S100B: variants seen among roughly 807,000 people sequenced by gnomAD.
S100B encodes S100 calcium binding protein B, also known as protein S100-B.
In S100B, 6 loss-of-function variants were observed where a neutral mutation model predicts 7.7. The ratio of observed to expected loss-of-function variants is 0.78; its 90% confidence interval spans 0.43 to 1.54. The LOEUF (loss-of-function observed/expected upper bound fraction) is 1.54. Among genes scored for constraint, S100B ranks in the 40% most tolerant of loss-of-function variants. The probability of loss-of-function intolerance (pLI) is 0.01; values close to 1 mark genes in which losing one functional copy is unlikely to be tolerated. For synonymous variants in S100B, 36 were observed against 40.4 expected (o/e 0.89, Z 0.41); for missense variants, 99 against 111.8 (o/e 0.89, Z 0.52).
chr21:46,600,855 G>A (rs532726448), intron 2 of S100B, among the ~76,000 whole-genome samples: 2 of 152,246 alleles, frequency 1.3e-5, no homozygotes, highest in South Asian at 2.1e-4. Context: ...GCACTGTCCC[G>A]CTTCACCCTC....
intron 1 of S100B, among the ~76,000 whole-genome samples, chr21:46,603,148 A>G (rs908612200): frequency 1.3e-5 from 2 of 152,062 alleles, no homozygotes. Context: ...TGACAAAAAC[A>G]GCTGTAAAAT....
Position 46,599,198 on chromosome 21 carries a change from C to A in S100B, c.*165G>T. 1.5e-6 allele frequency: 1 copy of A among 665,828 alleles called. No individual in the cohort carries two copies. The highest frequency in any genetic ancestry group is 2.6e-6 in the Non-Finnish European group (1 of 387,208). 41.2% of individuals were successfully genotyped at this position (665,828 alleles called of 1,614,324 possible). A position where few individuals can be genotyped will look rare whatever the true frequency, so the allele number is the denominator to read the frequency against. Reference sequence around the variant, plus strand: ...AGAATGATGCAGGCCGTTAAAACAGCCTTTGGAAAGAGGTTTTCAATTTTT... The same window carrying A: ...AGAATGATGCAGGCCGTTAAAACAGACTTTGGAAAGAGGTTTTCAATTTTT... On this transcript the variant is annotated 3_prime_UTR_variant, in exon 3 of 3. Coordinates refer to ENST00000291700, the MANE Select transcript of S100B (RefSeq NM_006272.3).
At chr21:46,603,132 G>A (rs2061046332) in intron 1 of S100B, among the ~76,000 whole-genome samples, 1 of 151,612 alleles carries the variant, frequency 6.6e-6, no homozygotes, top group Non-Finnish European at 1.5e-5. Flanking sequence ...TTTTGGATGG[G>A]TGACATGACA....
intron 2 of S100B, among the ~76,000 whole-genome samples, chr21:46,600,641 CTTCAA>C (rs1367346986): frequency 6.6e-6 from 1 of 152,140 alleles, no homozygotes; most frequent in African/African-American, 2.4e-5. Flanking sequence ...AGGGCACTAA[CTTCAA>C]TTATATTATA....
chr21:46,603,313 A>G (rs1406766824), intron 1 of S100B, among the ~76,000 whole-genome samples: 1 of 142,194 alleles, frequency 7.0e-6, no homozygotes, highest in East Asian at 2.1e-4. Flanking sequence ...TCCAGCAGAA[A>G]GCTGAGCTGC....
rs1049433907 is a variant in S100B at position 46,599,159 on chromosome 21, C to T, written c.*204G>A. 1 of 592,284 alleles carries T rather than the reference C, an allele frequency of 1.7e-6. No individual in the cohort carries two copies. Among genetic ancestry groups the T allele is most frequent in the Non-Finnish European group, 3.0e-6 (1 of 336,710 alleles). 36.7% of individuals were successfully genotyped at this position (592,284 alleles called of 1,614,324 possible). A position where few individuals can be genotyped will look rare whatever the true frequency, so the allele number is the denominator to read the frequency against. ...GGGGCCAGTCAGCTTACACACAGGCCTAATATAGCAGAAAGAATGATGCAG... is the reference window on the plus strand; with the variant it reads ...GGGGCCAGTCAGCTTACACACAGGCTTAATATAGCAGAAAGAATGATGCAG... On this transcript the variant is annotated 3_prime_UTR_variant, in exon 3 of 3. Coordinates refer to ENST00000291700, the MANE Select transcript of S100B (RefSeq NM_006272.3).
At position 46,599,294 on chromosome 21, in the gene S100B, C is replaced by A. The variant is rs982228887; in HGVS notation, c.*69G>T. On this transcript the variant is annotated 3_prime_UTR_variant, in exon 3 of 3. Coordinates refer to ENST00000291700, the MANE Select transcript of S100B (RefSeq NM_006272.3). ...GGAAAGCTCAGCTCCTACTAGGCTG[C>A]AAGCCCTTGCTGTCTGCTTTCTTGC... The A allele has an allele frequency of 6.9e-7, 1 of 1,442,702 alleles. No individual in the cohort carries two copies. The highest frequency in any genetic ancestry group is 1.4e-5 in the African/African-American group (1 of 69,882). The allele number at this position is 1,442,702 out of a possible 1,614,324, so 89.4% of individuals were successfully genotyped here.
intron 1 of S100B, among the ~76,000 whole-genome samples, chr21:46,604,276 T>C (rs2839361): frequency 0.1 from 15,424 of 152,288 alleles, 851 homozygotes; most frequent in Middle Eastern, 0.13. Context: ...AATGTCCGTT[T>C]CTTTCTCACA....
chr21:46,601,326 A>C (rs985451461), intron 2 of S100B, among the ~76,000 whole-genome samples: 2 of 152,142 alleles, frequency 1.3e-5, no homozygotes, highest in African/African-American at 4.8e-5. Context: ...GTGATTGCTC[A>C]TATCAGTGAC....
At chr21:46,600,779 T>C (rs1300082645) in intron 2 of S100B, among the ~76,000 whole-genome samples, 1 of 152,332 alleles carries the variant, frequency 6.6e-6, no homozygotes, top group South Asian at 2.1e-4. Context: ...CAAAGCTTTT[T>C]CTATGTATAA....
intron 2 of S100B, among the ~76,000 whole-genome samples, chr21:46,601,189 G>C (rs886065690): frequency 4.6e-5 from 7 of 152,208 alleles, no homozygotes; most frequent in Non-Finnish European, 1.0e-4. Context: ...GCACTGAGAG[G>C]CTTGGCCAGC....
In S100B at chr21:46,603,392, A is replaced by AGGGGGGGGCGGGGGGGGTGGGGG. The variant is rs1555923741; in HGVS notation, c.-1-977_-1-976insCCCCCACCCCCCCCGCCCCCCCC. ...TCACTGCAGTGACTGGGACGGCGGG[A>AGGGGGGGGCGGGGGGGGTGGGGG]GGGGGTGGGGGCAGGAATAGGTGTT... On this transcript the variant is annotated intron_variant, in intron 1 of 2. Coordinates refer to ENST00000291700, the MANE Select transcript of S100B (RefSeq NM_006272.3). Among the ~76,000 whole-genome samples, 3 of 38,208 alleles carry AGGGGGGGGCGGGGGGGGTGGGGG rather than the reference A, an allele frequency of 7.9e-5. No homozygotes were observed. In the Admixed American group the frequency reaches 1.0e-3, roughly 13 times the overall value. The allele number at this position is 38,208 out of a possible 152,430, so 25.1% of individuals were successfully genotyped here.
At chr21:46,602,666 T>A in intron 1 of S100B, 1 of 367,534 alleles carries the variant, frequency 2.7e-6, no homozygotes, top group Non-Finnish European at 4.9e-6. Flanking sequence ...GGGGATATAT[T>A]CCCATGCCCT....
intron 2 of S100B, among the ~76,000 whole-genome samples, chr21:46,601,569 A>G (rs1319354587): frequency 1.3e-5 from 2 of 152,116 alleles, no homozygotes; most frequent in Non-Finnish European, 2.9e-5. Flanking sequence ...ACATACTTCC[A>G]CCACAAGCCA....
intron 2 of S100B, among the ~76,000 whole-genome samples, chr21:46,600,047 T>G (rs2061037200): frequency 6.6e-6 from 1 of 152,230 alleles, no homozygotes. Context: ...TGCCTGACAT[T>G]GAAGCCAAAT....
intron 1 of S100B, 91 bp from the exon 2 acceptor site, chr21:46,602,507 G>A: frequency 1.6e-5 from 21 of 1,343,512 alleles, no homozygotes; most frequent in Non-Finnish European, 2.0e-5. Context: ...ACCCAGACAA[G>A]GGGGATGGAA....
intron 1 of S100B, 115 bp from the exon 2 acceptor site, chr21:46,602,531 CTT>C: frequency 9.2e-7 from 1 of 1,081,264 alleles, no homozygotes; most frequent in Non-Finnish European, 1.3e-6. Flanking sequence ...CCTTGGCACT[CTT>C]TTCAAGCTCA....
chr21:46,604,419 T>A (rs1330617947), intron 1 of S100B, among the ~76,000 whole-genome samples: 3 of 152,126 alleles, frequency 2.0e-5, no homozygotes, highest in African/African-American at 2.4e-5. Flanking sequence ...CCTGAGAAAC[T>A]GTGAGACTGA....
At position 46,599,310 on chromosome 21, in the gene S100B, G is replaced by A; in HGVS notation, c.*53C>T. ...ACTAGGCTGCAAGCCCTTGCTGTCT[G>A]CTTTCTTGCATGACCGTCTCTGTTA... On this transcript the variant is annotated 3_prime_UTR_variant, in exon 3 of 3. Coordinates refer to ENST00000291700, the MANE Select transcript of S100B (RefSeq NM_006272.3). The A allele has an allele frequency of 1.9e-6, 3 of 1,562,992 alleles. No homozygotes were observed. Among genetic ancestry groups the A allele is most frequent in the Non-Finnish European group, 2.6e-6 (3 of 1,140,506 alleles).
Sources: allele counts gnomAD v4.1 joint callset (sites outside exome capture counted in the v4.1 genomes callset), GRCh38; gene constraint gnomAD v4.1.1; transcripts MANE v1.5; gene names NCBI Gene and HGNC (gene_info 2026-07-23, HGNC 2026-07-21).